ANKRD44: variants seen among roughly 807,000 people sequenced by gnomAD.
ANKRD44 encodes ankyrin repeat domain 44.
Under a neutral mutation model 116.0 loss-of-function variants are expected in ANKRD44, and 35 were observed. That is an observed-to-expected ratio of 0.30 (90% CI 0.23 to 0.40). The LOEUF is 0.40. Among genes scored for constraint, ANKRD44 ranks in the 10% least tolerant of loss-of-function variants. The pLI is 1.00. For missense variants in ANKRD44, 1,014 were observed against 1,242.6 expected (o/e 0.82, Z 2.77); for synonymous variants, 435 against 461.8 (o/e 0.94, Z 0.74).
At chr2:197,115,027 A>G (rs558486842) in intron 8 of ANKRD44, among the ~76,000 whole-genome samples, 13 of 152,236 alleles carry the variant, frequency 8.5e-5, no homozygotes, top group South Asian at 8.3e-4. Context: ...AACTTCTCCA[A>G]CACAACCTAT....
chr2:197,083,345 A>G (rs566341042), intron 14 of ANKRD44, 24 bp downstream of exon 14: 8 of 1,604,252 alleles, frequency 5.0e-6, no homozygotes, highest in Non-Finnish European at 6.8e-6. Context: ...TTCCCAGAGG[A>G]AGCATGAGCA....
At position 197,181,632 on chromosome 2, in the gene ANKRD44, G is replaced by A. The variant is rs371327642; in HGVS notation, c.111+5391C>T. ...GTGCCATGAACCATTAGCAATGTTG[G>A]CCAGGGTCACAAGATAGGAGAATGG... On this transcript the variant is annotated intron_variant, in intron 2 of 27. Coordinates refer to ENST00000282272, the MANE Select transcript of ANKRD44 (RefSeq NM_001195144.2). Among the ~76,000 whole-genome samples the A allele has an allele frequency of 2.6e-5, 4 of 152,156 alleles. No homozygotes were observed. The East Asian group carries it at 7.7e-4, about 29-fold the overall frequency.
intron 1 of ANKRD44, among the ~76,000 whole-genome samples, chr2:197,284,715 G>A (rs905360969): frequency 6.6e-6 from 1 of 151,702 alleles, no homozygotes; most frequent in Non-Finnish European, 1.5e-5. Context: ...GTGAAACCCC[G>A]TCTCTACTAA....
intron 1 of ANKRD44, among the ~76,000 whole-genome samples, chr2:197,255,946 G>C (rs1054487786): frequency 6.6e-6 from 1 of 152,240 alleles, no homozygotes; most frequent in Non-Finnish European, 1.5e-5. Flanking sequence ...CCTGGGTGCA[G>C]TTTAAAAATA....
At chr2:197,101,251 C>T (rs879355995) in intron 9 of ANKRD44, among the ~76,000 whole-genome samples, 16 of 151,478 alleles carry the variant, frequency 1.1e-4, no homozygotes, top group African/African-American at 3.6e-4. Flanking sequence ...TTAAGTTTCT[C>T]ATGTCGTTGA....
At chr2:196,983,082 G>A (rs932890550), downstream of ANKRD44, among the ~76,000 whole-genome samples, 3 of 151,946 alleles carry the variant, frequency 2.0e-5, no homozygotes, top group African/African-American at 7.3e-5. Context: ...TGCATGCGGG[G>A]CCTAAAACCT....
At chr2:197,038,039 G>A (rs1167396185) in intron 16 of ANKRD44, among the ~76,000 whole-genome samples, 2 of 152,190 alleles carry the variant, frequency 1.3e-5, no homozygotes, top group Non-Finnish European at 2.9e-5. Context: ...AGACAGAGCA[G>A]TGAACACACT....
chr2:196,983,495 C>T (rs1186357714), downstream of ANKRD44, among the ~76,000 whole-genome samples: 1 of 152,178 alleles, frequency 6.6e-6, no homozygotes, highest in Non-Finnish European at 1.5e-5. Flanking sequence ...CTTTGCATAG[C>T]TGGTAATTTC....
chr2:197,102,702 G>A (rs1339305747), intron 9 of ANKRD44, among the ~76,000 whole-genome samples: 1 of 151,898 alleles, frequency 6.6e-6, no homozygotes, highest in Non-Finnish European at 1.5e-5. Flanking sequence ...ATACACATAT[G>A]TATATATGCT....
At chr2:197,263,253 G>A (rs569831467) in intron 1 of ANKRD44, 21 of 551,500 alleles carry the variant, frequency 3.8e-5, no homozygotes, top group African/African-American at 1.2e-4. Context: ...GTAGTCTCAC[G>A]TCCCCTTACC....
At chr2:197,081,097 C>T (rs2077783943) in intron 15 of ANKRD44, among the ~76,000 whole-genome samples, 1 of 152,168 alleles carries the variant, frequency 6.6e-6, no homozygotes. Flanking sequence ...CCTGCCACAG[C>T]AAAGAGCTAC....
intron 16 of ANKRD44, among the ~76,000 whole-genome samples, chr2:197,035,434 G>A (rs2076790311): frequency 6.6e-6 from 1 of 152,162 alleles, no homozygotes; most frequent in South Asian, 2.1e-4. Context: ...CCTCTTTCAT[G>A]TTGCTTCTAA....
intron 15 of ANKRD44, among the ~76,000 whole-genome samples, chr2:197,079,243 A>G (rs2077740752): frequency 1.3e-5 from 2 of 152,110 alleles, no homozygotes; most frequent in Admixed American, 1.3e-4. Flanking sequence ...TCTTAACCTC[A>G]CCATAAAATC....
At chr2:197,281,873 A>C (rs889614968) in intron 1 of ANKRD44, among the ~76,000 whole-genome samples, 33 of 152,286 alleles carry the variant, frequency 2.2e-4, no homozygotes, top group African/African-American at 7.0e-4. Flanking sequence ...TCCACAGTGA[A>C]CTTTTTATAT....
At chr2:197,160,772 G>T (rs2079941678) in intron 2 of ANKRD44, among the ~76,000 whole-genome samples, 1 of 152,114 alleles carries the variant, frequency 6.6e-6, no homozygotes, top group African/African-American at 2.4e-5. Context: ...GTTAAAACTG[G>T]ACAGATGGGA....
intron 1 of ANKRD44, among the ~76,000 whole-genome samples, 184 bp downstream of exon 1, chr2:197,310,394 G>A (rs922000608): frequency 2.0e-5 from 3 of 147,388 alleles, no homozygotes; most frequent in Non-Finnish European, 3.0e-5. Context: ...CCAGGGCGGG[G>A]ACGGCGCGGC....
At chr2:197,148,953 C>A (rs1481986640) in intron 2 of ANKRD44, among the ~76,000 whole-genome samples, 2 of 152,190 alleles carry the variant, frequency 1.3e-5, no homozygotes, top group East Asian at 3.8e-4. Context: ...TATTTGAAAT[C>A]ATGTTAGCTT....
exon 22 of ANKRD44, chr2:196,967,425 T>C (rs1051322410): frequency 1.1e-5 from 5 of 469,886 alleles, no homozygotes; most frequent in African/African-American, 8.0e-5. Flanking sequence ...CCGATGTTCT[T>C]GGATCTTGAA....
At chr2:197,019,076 G>C (rs1215575450) in intron 17 of ANKRD44, among the ~76,000 whole-genome samples, 1 of 152,040 alleles carries the variant, frequency 6.6e-6, no homozygotes, top group Non-Finnish European at 1.5e-5. Context: ...GTCTCTATGT[G>C]GAATAGAGAC....
Sources: allele counts gnomAD v4.1 joint callset (sites outside exome capture counted in the v4.1 genomes callset), GRCh38; gene constraint gnomAD v4.1.1; transcripts MANE v1.5; gene names NCBI Gene and HGNC (gene_info 2026-07-23, HGNC 2026-07-21).